Variants in PPP1R13B observed in about 807,000 individuals in gnomAD.
PPP1R13B encodes apoptosis-stimulating of p53 protein 1.
In PPP1R13B, 44 loss-of-function variants were observed where a neutral mutation model predicts 119.8. The ratio of observed to expected loss-of-function variants is 0.37; its 90% confidence interval spans 0.29 to 0.47. The LOEUF is 0.47. Ranked by LOEUF, PPP1R13B falls within the 20% of genes least tolerant of loss-of-function variation. The probability of loss-of-function intolerance (pLI) is 0.99; values close to 1 mark genes in which losing one functional copy is unlikely to be tolerated. For missense variants in PPP1R13B, 1,227 were observed against 1,413.5 expected (o/e 0.87, Z 2.12); for synonymous variants, 542 against 561.5 (o/e 0.97, Z 0.49).
intron 1 of PPP1R13B, among the ~76,000 whole-genome samples, chr14:103,828,300 C>T (rs1485808780): frequency 2.8e-5 from 4 of 141,592 alleles, no homozygotes; most frequent in African/African-American, 1.1e-4. Flanking sequence ...ACCTGGGAGG[C>T]AGAGACTGCA....
chr14:103,805,611 A>G (rs1400074723), intron 1 of PPP1R13B, among the ~76,000 whole-genome samples: 1 of 151,968 alleles, frequency 6.6e-6, no homozygotes, highest in Non-Finnish European at 1.5e-5. Context: ...AAGGAAGGAG[A>G]GAGAAAAGGA....
chr14:103,771,530 G>A (rs1295520256), intron 4 of PPP1R13B, among the ~76,000 whole-genome samples: 1 of 145,354 alleles, frequency 6.9e-6, no homozygotes, highest in African/African-American at 2.6e-5. Context: ...CCCCAGGCTG[G>A]AGTGCGATGG....
intron 1 of PPP1R13B, among the ~76,000 whole-genome samples, chr14:103,826,998 C>T (rs1446081343): frequency 1.4e-5 from 2 of 145,728 alleles, no homozygotes; most frequent in Admixed American, 1.4e-4. Context: ...GGTGACAGAG[C>T]GAAACTCCAT....
chr14:103,847,595 C>A (rs937100528), upstream of PPP1R13B: 68 of 986,260 alleles, frequency 6.9e-5, no homozygotes, highest in East Asian at 3.3e-3. Flanking sequence ...CCGCCCGGCT[C>A]GCTCTTCAGC....
chr14:103,785,150 C>A (rs985071611), intron 2 of PPP1R13B, among the ~76,000 whole-genome samples: 5 of 152,170 alleles, frequency 3.3e-5, no homozygotes, highest in African/African-American at 1.2e-4. Context: ...AATTTTGCAA[C>A]ATTAAATAGG....
At chr14:103,766,111 C>A (rs997207712) in intron 4 of PPP1R13B, among the ~76,000 whole-genome samples, 7 of 151,682 alleles carry the variant, frequency 4.6e-5, no homozygotes, top group African/African-American at 1.7e-4. Context: ...TGGGTTCAAG[C>A]GATTCTCCTG....
chr14:103,764,285 T>C (rs962515684), intron 4 of PPP1R13B: 17 of 165,274 alleles, frequency 1.0e-4, no homozygotes, highest in Non-Finnish European at 6.6e-5. Context: ...TTTTTGCTTA[T>C]AGCTTAATTC....
chr14:103,823,938 A>T (rs945142751), intron 1 of PPP1R13B, among the ~76,000 whole-genome samples: 15 of 151,942 alleles, frequency 9.9e-5, no homozygotes, highest in Non-Finnish European at 4.4e-5. Context: ...CTACACCACA[A>T]AACACTTTCC....
intron 1 of PPP1R13B, among the ~76,000 whole-genome samples, chr14:103,813,809 T>C (rs780310919): frequency 8.5e-5 from 13 of 152,150 alleles, no homozygotes; most frequent in Admixed American, 2.6e-4. Flanking sequence ...TTTCTTAGTG[T>C]GGGTTCATGG....
intron 4 of PPP1R13B, among the ~76,000 whole-genome samples, chr14:103,762,570 C>T (rs1324660080): frequency 6.8e-6 from 1 of 147,530 alleles, no homozygotes; most frequent in African/African-American, 2.5e-5. Context: ...GCATGTTGTG[C>T]ACATGTACCC....
chr14:103,769,375 G>T (rs1178234657), intron 4 of PPP1R13B, among the ~76,000 whole-genome samples: 2 of 152,072 alleles, frequency 1.3e-5, no homozygotes, highest in African/African-American at 4.8e-5. Flanking sequence ...ACAGGTGTGG[G>T]CCACTGTGCT....
chr14:103,841,272 C>T (rs1034302891), intron 1 of PPP1R13B, among the ~76,000 whole-genome samples: 3 of 150,964 alleles, frequency 2.0e-5, no homozygotes, highest in Admixed American at 6.6e-5. Flanking sequence ...ACAACAAGAG[C>T]GAAACTCTGT....
chr14:103,838,049 G>A (rs997949688), intron 1 of PPP1R13B, among the ~76,000 whole-genome samples: 1 of 151,870 alleles, frequency 6.6e-6, no homozygotes, highest in African/African-American at 2.4e-5. Context: ...AACCTAGGAG[G>A]CGAAGGTTGC....
At chr14:103,821,135 G>C (rs1241685112) in intron 1 of PPP1R13B, among the ~76,000 whole-genome samples, 2 of 152,116 alleles carry the variant, frequency 1.3e-5, no homozygotes, top group East Asian at 1.9e-4. Flanking sequence ...ATTTGTCAAG[G>C]TTAATAAATC....
chr14:103,798,131 G>A (rs1315905664), intron 1 of PPP1R13B, among the ~76,000 whole-genome samples: 1 of 149,368 alleles, frequency 6.7e-6, no homozygotes, highest in African/African-American at 2.5e-5. Context: ...TGATATTCAA[G>A]TACATTAAAT....
rs369058384 is a variant in PPP1R13B at position 103,734,953 on chromosome 14, G to C, written c.*201C>G. The C allele has an allele frequency of 2.8e-6, 2 of 709,942 alleles. No individual in the cohort carries two copies. Among genetic ancestry groups the C allele is most frequent in the South Asian group, 3.0e-5 (2 of 66,850 alleles). The allele number at this position is 709,942 out of a possible 1,614,324, so 44.0% of individuals were successfully genotyped here. On this transcript the variant is annotated 3_prime_UTR_variant, in exon 17 of 17. Transcript: ENST00000202556. ...TTGGCAAAATTCAGTCCTTGGAGGCGAAAGTACCTCTCCCAGTTAATGGGC... is the reference window on the plus strand; with the variant it reads ...TTGGCAAAATTCAGTCCTTGGAGGCCAAAGTACCTCTCCCAGTTAATGGGC...
At chr14:103,791,430 A>G (rs1297505046) in intron 2 of PPP1R13B, among the ~76,000 whole-genome samples, 1 of 152,252 alleles carries the variant, frequency 6.6e-6, no homozygotes, top group Non-Finnish European at 1.5e-5. Flanking sequence ...GTTAAACATT[A>G]AAGAAGTAAA....
intron 4 of PPP1R13B, among the ~76,000 whole-genome samples, chr14:103,775,490 GTCTAGAACTCCTGACC>G (rs1250518376): frequency 5.3e-5 from 8 of 152,104 alleles, no homozygotes; most frequent in African/African-American, 1.7e-4. Flanking sequence ...GGCCAGATTG[GTCTAGAACTCCTGACC>G]TCAGGTGATC....
intron 1 of PPP1R13B, chr14:103,840,040 CTTA>C (rs2086867603): frequency 6.6e-6 from 1 of 152,280 alleles, no homozygotes; most frequent in African/African-American, 2.4e-5. Flanking sequence ...ACCAAAGATT[CTTA>C]TTTTACAAAA....
Sources: allele counts gnomAD v4.1 joint callset (sites outside exome capture counted in the v4.1 genomes callset), GRCh38; gene constraint gnomAD v4.1.1; transcripts MANE v1.5; gene names NCBI Gene and HGNC (gene_info 2026-07-23, HGNC 2026-07-21).